ITGA2: variants seen among roughly 807,000 people sequenced by gnomAD.
ITGA2 encodes the protein integrin subunit alpha 2.
In ITGA2, 101 loss-of-function variants were observed where a neutral mutation model predicts 146.3. The observed-to-expected ratio is 0.69, with a 90% CI of 0.59 to 0.81. The LOEUF is 0.81. Among genes scored for constraint, ITGA2 ranks in the 40% least tolerant of loss-of-function variants. ITGA2 has a pLI of 0.00. For missense variants in ITGA2, 1,281 were observed against 1,402.7 expected (o/e 0.91, Z 1.39); for synonymous variants, 477 against 487.1 (o/e 0.98, Z 0.27).
intron 2 of ITGA2, among the ~76,000 whole-genome samples, chr5:53,031,840 C>T (rs1458832490): frequency 2.0e-5 from 3 of 152,194 alleles, no homozygotes; most frequent in African/African-American, 7.2e-5. Flanking sequence ...CCTCACTTCA[C>T]ACACAGGATG....
intron 25 of ITGA2, 79 bp downstream of exon 25, chr5:53,080,700 C>T (rs1466104528): frequency 3.8e-6 from 4 of 1,039,490 alleles, no homozygotes; most frequent in African/African-American, 3.1e-5. Flanking sequence ...TCATGTCTGA[C>T]ATTTTACAGA....
At chr5:52,996,668 A>T (rs1422472117) in intron 1 of ITGA2, among the ~76,000 whole-genome samples, 1 of 152,216 alleles carries the variant, frequency 6.6e-6, no homozygotes, top group Non-Finnish European at 1.5e-5. Context: ...TAATGCAGTT[A>T]TGATTAATAA....
intron 1 of ITGA2, among the ~76,000 whole-genome samples, chr5:53,020,689 T>TTA (rs1742633135): frequency 2.0e-5 from 3 of 150,478 alleles, no homozygotes; most frequent in Non-Finnish European, 3.0e-5. Context: ...TATTATTATT[T>TTA]TTTTTTTGGT....
intron 16 of ITGA2, 30 bp downstream of exon 16, chr5:53,067,287 A>C: frequency 6.2e-7 from 1 of 1,610,304 alleles, no homozygotes; most frequent in Non-Finnish European, 8.5e-7. Flanking sequence ...TCTGTATAGA[A>C]ATTGGTTGGC....
rs1198465196 is a variant in ITGA2 at position 53,089,521 on chromosome 5, C to G, written c.3349-425C>G. ...TAAGTGAAACTAGTATTTTAGACAC[C>G]CAATACAAAGCTGCTGTTTCATCAC... is the stretch of plus-strand genomic sequence containing the variant. On this transcript the variant is annotated intron_variant, in intron 28 of 29. Transcript: ENST00000296585. 5.7e-5 allele frequency: 10 copies of G among 175,002 alleles called. No homozygotes were observed. In the Admixed American group the frequency reaches 5.8e-4, roughly 10 times the overall value. The allele number at this position is 175,002 out of a possible 1,614,324, so 10.8% of individuals were successfully genotyped here. A position where few individuals can be genotyped will look rare whatever the true frequency, so the allele number is the denominator to read the frequency against.
intron 4 of ITGA2, 26 bp from the exon 5 acceptor site, chr5:53,048,337 T>C (rs1390451837): frequency 3.9e-6 from 6 of 1,555,676 alleles, no homozygotes; most frequent in Admixed American, 3.3e-5. Flanking sequence ...TGTGTTTCCA[T>C]TGATTGTTTT....
intron 10 of ITGA2, among the ~76,000 whole-genome samples, chr5:53,059,218 C>T (rs994439882): frequency 2.2e-4 from 34 of 151,956 alleles, no homozygotes; most frequent in Admixed American, 9.9e-4. Context: ...TCTTCCTTTG[C>T]CCTCCCCACA....
chr5:53,082,801 A>C (rs961578545), intron 26 of ITGA2, among the ~76,000 whole-genome samples: 1 of 152,178 alleles, frequency 6.6e-6, no homozygotes, highest in Non-Finnish European at 1.5e-5. Context: ...GTGTATATTC[A>C]CTGCCCTACA....
Position 53,091,015 on chromosome 5 carries a change from G to T in ITGA2, c.*416G>T. On this transcript the variant is annotated 3_prime_UTR_variant, in exon 30 of 30. Transcript: ENST00000296585. ...TCTTTAAACAGCAACTACAGAAGTG[G>T]AAGTGCTTGATATGTAAGTACTTCC... 2 of 411,680 alleles carry T rather than the reference G, an allele frequency of 4.9e-6. No homozygotes were observed. Among genetic ancestry groups the T allele is most frequent in the South Asian group, 1.1e-4 (2 of 17,630 alleles). The allele number at this position is 411,680 out of a possible 1,614,324, so 25.5% of individuals were successfully genotyped here. A position where few individuals can be genotyped will look rare whatever the true frequency, so the allele number is the denominator to read the frequency against.
intron 1 of ITGA2, among the ~76,000 whole-genome samples, chr5:53,013,621 G>T (rs1244296690): frequency 2.0e-5 from 3 of 151,888 alleles, no homozygotes; most frequent in African/African-American, 7.3e-5. Flanking sequence ...ATTAGAATTA[G>T]TTTTTTCTAA....
intron 1 of ITGA2, among the ~76,000 whole-genome samples, chr5:52,996,314 C>T (rs932234338): frequency 6.6e-6 from 1 of 152,002 alleles, no homozygotes; most frequent in Admixed American, 6.6e-5. Context: ...ATTCATTGCA[C>T]AAGAGAAACT....
intron 2 of ITGA2, among the ~76,000 whole-genome samples, chr5:53,032,994 T>G (rs1379696646): frequency 6.6e-6 from 1 of 152,122 alleles, no homozygotes; most frequent in Non-Finnish European, 1.5e-5. Context: ...AGGGCTGGGC[T>G]CGGTGGCTCA....
chr5:53,008,698 A>G (rs1444531880), intron 1 of ITGA2, among the ~76,000 whole-genome samples: 2 of 152,030 alleles, frequency 1.3e-5, no homozygotes, highest in African/African-American at 2.4e-5. Context: ...TCCCTATTCC[A>G]TTCTTATAAG....
intron 1 of ITGA2, among the ~76,000 whole-genome samples, chr5:53,022,382 C>T (rs1490125664): frequency 6.6e-6 from 1 of 152,060 alleles, no homozygotes; most frequent in Non-Finnish European, 1.5e-5. Context: ...ATTTTTAGAA[C>T]AAAAGTAGGT....
At chr5:53,075,619 A>ACT (rs1419188971) in intron 23 of ITGA2, among the ~76,000 whole-genome samples, 1 of 151,698 alleles carries the variant, frequency 6.6e-6, no homozygotes, top group Non-Finnish European at 1.5e-5. Flanking sequence ...TTGAAACAGA[A>ACT]CTCTCAAAGG....
chr5:53,067,209 C>G lies in ITGA2; in HGVS notation c.2035C>G (p.Leu679Val), dbSNP rs202061375. ...VNKNAQIILKLCFSAKFRPTK... is the reference protein window; with the variant it reads ...VNKNAQIILKVCFSAKFRPTK... ...CAAGAATGCTCAGATAATTCTCAAA[C>G]TCTGCTTCAGTGCAAAGTTCAGACC... The change falls in exon 16 of 30, where the codon CTC becomes GTC. Residue 679 changes from leucine to valine, a missense_variant. Leu to Val is a conservative substitution (Grantham distance 32). Around this residue, in one of 3 missense-constraint regions of ITGA2, gnomAD observed 795 missense variants for 841.7 expected, o/e 0.94. Coordinates refer to ENST00000296585, the MANE Select transcript of ITGA2 (RefSeq NM_002203.4). 6.8e-6 allele frequency: 11 copies of G among 1,611,608 alleles called. No homozygotes were observed. Among genetic ancestry groups the G allele is most frequent in the African/African-American group, 1.3e-5 (1 of 74,756 alleles).
chr5:53,027,417 T>G (rs1263828584), intron 2 of ITGA2, among the ~76,000 whole-genome samples: 2 of 152,218 alleles, frequency 1.3e-5, no homozygotes, highest in Non-Finnish European at 2.9e-5. Flanking sequence ...ACCTTTTGTT[T>G]TTGCCCCAAA....
chr5:53,092,079 GGACCAC>G lies in ITGA2; in HGVS notation c.*1481_*1486del, dbSNP rs1740452062. The G allele has an allele frequency of 6.6e-6, 1 of 152,196 alleles. No homozygotes were observed. The highest frequency in any genetic ancestry group is 1.5e-5 in the Non-Finnish European group (1 of 68,062). 9.4% of individuals were successfully genotyped at this position (152,196 alleles called of 1,614,324 possible). A position where few individuals can be genotyped will look rare whatever the true frequency, so the allele number is the denominator to read the frequency against. ...GCACCCCAGTCACTAGGATGCAGAT[GGACCAC>G]ACTTTGAGAAACACCACCCATTTCT... On this transcript the variant is annotated 3_prime_UTR_variant, in exon 30 of 30. Coordinates refer to ENST00000296585, the MANE Select transcript of ITGA2 (RefSeq NM_002203.4).
chr5:53,088,718 A>AC (rs1740255986), intron 28 of ITGA2, among the ~76,000 whole-genome samples: 1 of 151,392 alleles, frequency 6.6e-6, no homozygotes, highest in Non-Finnish European at 1.5e-5. Context: ...AAGAGAAAGT[A>AC]CTTTTAATGG....
Sources: allele counts gnomAD v4.1 joint callset (sites outside exome capture counted in the v4.1 genomes callset), GRCh38; gene constraint gnomAD v4.1.1; regional missense constraint gnomAD v4.1.1; transcripts MANE v1.5; gene names NCBI Gene and HGNC (gene_info 2026-07-23, HGNC 2026-07-21).